CLNK: variants seen among roughly 807,000 people sequenced by gnomAD.
CLNK encodes the protein cytokine dependent hematopoietic cell linker, also known as cytokine-dependent hematopoietic cell linker.
In CLNK, 74 loss-of-function variants were observed where a neutral mutation model predicts 68.6. That is an observed-to-expected ratio of 1.08 (90% CI 0.89 to 1.31). The LOEUF (loss-of-function observed/expected upper bound fraction) is 1.31, where lower values mean the gene tolerates loss of function less well. CLNK is among the 50% of genes most tolerant of loss of function. The pLI is 0.00. For synonymous variants in CLNK, 198 were observed against 172.2 expected (o/e 1.15, Z -1.17); for missense variants, 553 against 515.3 (o/e 1.07, Z -0.71).
chr4:10,540,458 T>C (rs1304577772), intron 11 of CLNK, 36 bp downstream of exon 11: 1 of 1,504,540 alleles, frequency 6.6e-7, no homozygotes. Flanking sequence ...CCCACACTCT[T>C]GCTGGTCATT....
chr4:10,699,177 T>C, the CLNK span, among the ~76,000 whole-genome samples: 1 of 127,528 alleles, frequency 7.8e-6, no homozygotes, highest in African/African-American at 2.9e-5. Flanking sequence ...CTTACGTTTC[T>C]TTCTCTCTCT....
chr4:10,696,485 C>A, the CLNK span, among the ~76,000 whole-genome samples: 2 of 152,152 alleles, frequency 1.3e-5, no homozygotes, highest in African/African-American at 4.8e-5. Context: ...ACCAACCACA[C>A]GGCAGTCTAG....
chr4:10,499,116 C>A (rs1716929128), intron 18 of CLNK, among the ~76,000 whole-genome samples: 1 of 152,104 alleles, frequency 6.6e-6, no homozygotes, highest in Non-Finnish European at 1.5e-5. Context: ...TAGCTCATTA[C>A]AGACACCCCT....
At chr4:10,501,456 T>A in intron 17 of CLNK, 45 bp from the exon 18 acceptor site, 2 of 1,580,148 alleles carry the variant, frequency 1.3e-6, no homozygotes, top group Non-Finnish European at 1.7e-6. Flanking sequence ...CACGCCAGCA[T>A]TCTGCCCTTG....
rs192882294 is a variant in CLNK, at chr4:10,571,880, T to G, written c.113-102A>C. On this transcript the variant is annotated intron_variant, in intron 4 of 18. Transcript: ENST00000226951. ...TTTCTCCAGAAATCTTTTGTCAGTTTTAATTAACTTACCTTGATTGTGATT... is the reference window on the plus strand; with the variant it reads ...TTTCTCCAGAAATCTTTTGTCAGTTGTAATTAACTTACCTTGATTGTGATT... The G allele has an allele frequency of 6.8e-3, 5,750 of 846,812 alleles. 34 individuals are homozygous for G. Among genetic ancestry groups the G allele is most frequent in the Non-Finnish European group, 7.8e-3 (4,089 of 521,084 alleles). 52.5% of individuals were successfully genotyped at this position (846,812 alleles called of 1,614,324 possible). A position where few individuals can be genotyped will look rare whatever the true frequency, so the allele number is the denominator to read the frequency against.
intron 2 of CLNK, among the ~76,000 whole-genome samples, chr4:10,628,594 T>G (rs1417245247): frequency 6.6e-6 from 1 of 151,998 alleles, no homozygotes; most frequent in Non-Finnish European, 1.5e-5. Context: ...GGAGGCAGAG[T>G]TGGGCTCAAC....
chr4:10,619,907 G>A lies in CLNK; in HGVS notation c.12-21858C>T, dbSNP rs534692918. ...GCTACAGGCCAGACTCTTCTGCTTGGCTCAAAGCCCGGGGCGTTTTCCCAT... is the reference window on the plus strand; with the variant it reads ...GCTACAGGCCAGACTCTTCTGCTTGACTCAAAGCCCGGGGCGTTTTCCCAT... On this transcript the variant is annotated intron_variant, in intron 2 of 18. Transcript: ENST00000226951. Among the ~76,000 whole-genome samples the A allele has an allele frequency of 1.1e-3, 161 of 152,214 alleles. 1 individual carries two copies. Among genetic ancestry groups the A allele is most frequent in the African/African-American group, 3.8e-3 (159 of 41,526 alleles).
At chr4:10,557,386 C>T (rs934966049) in intron 8 of CLNK, among the ~76,000 whole-genome samples, 9 of 152,178 alleles carry the variant, frequency 5.9e-5, no homozygotes, top group Non-Finnish European at 2.9e-5. Context: ...CAGGAGGTCA[C>T]AGGGAGGTTG....
chr4:10,631,450 G>A (rs1200231642), intron 2 of CLNK, among the ~76,000 whole-genome samples: 1 of 152,220 alleles, frequency 6.6e-6, no homozygotes, highest in Non-Finnish European at 1.5e-5. Flanking sequence ...AATGACAGGG[G>A]AGGAAAGATC....
At chr4:10,616,638 C>T (rs1441810804) in intron 2 of CLNK, among the ~76,000 whole-genome samples, 1 of 151,840 alleles carries the variant, frequency 6.6e-6, no homozygotes, top group Non-Finnish European at 1.5e-5. Flanking sequence ...CAGCAAAAAT[C>T]AATGAAATCA....
chr4:10,663,901 T>C (rs1025681672), intron 2 of CLNK, among the ~76,000 whole-genome samples: 5 of 152,302 alleles, frequency 3.3e-5, no homozygotes. Flanking sequence ...TTGCCTTCTT[T>C]ACCATGTGAA....
At chr4:10,559,516 A>T (rs1456748725) in intron 7 of CLNK, among the ~76,000 whole-genome samples, 1 of 151,978 alleles carries the variant, frequency 6.6e-6, no homozygotes, top group Non-Finnish European at 1.5e-5. Flanking sequence ...TCATCTTTTA[A>T]TCTTCCCTGT....
chr4:10,709,615 G>A, the CLNK span, among the ~76,000 whole-genome samples: 1 of 152,096 alleles, frequency 6.6e-6, no homozygotes, highest in South Asian at 2.1e-4. Context: ...CCATCTGGAG[G>A]TAAATTCCAT....
At chr4:10,709,123 T>C in the CLNK span, among the ~76,000 whole-genome samples, 2 of 152,188 alleles carry the variant, frequency 1.3e-5, no homozygotes, top group Admixed American at 6.5e-5. Flanking sequence ...GTATCAGACA[T>C]GAATCAGGGA....
At chr4:10,634,087 A>G (rs908703402) in intron 2 of CLNK, among the ~76,000 whole-genome samples, 2 of 152,194 alleles carry the variant, frequency 1.3e-5, no homozygotes, top group Admixed American at 1.3e-4. Context: ...TCCCTTTGTC[A>G]TCATGTTGAA....
At chr4:10,520,935 A>C in intron 14 of CLNK, 104 bp from the exon 15 acceptor site, 1 of 811,592 alleles carries the variant, frequency 1.2e-6, no homozygotes, top group African/African-American at 1.7e-5. Flanking sequence ...AGTCACAGTT[A>C]TAAAGCACTT....
chr4:10,703,748 A>G, the CLNK span, among the ~76,000 whole-genome samples: 15 of 152,236 alleles, frequency 9.9e-5, no homozygotes, highest in African/African-American at 3.6e-4. Context: ...GGCAACAAAT[A>G]TGTATAGCAT....
At chr4:10,664,506 G>C (rs1392175348) in intron 2 of CLNK, among the ~76,000 whole-genome samples, 1 of 152,216 alleles carries the variant, frequency 6.6e-6, no homozygotes, top group Non-Finnish European at 1.5e-5. Context: ...CCTTCTCTGA[G>C]TCATGCCTTG....
At chr4:10,506,543 A>T (rs564671299) in intron 17 of CLNK, among the ~76,000 whole-genome samples, 1 of 152,310 alleles carries the variant, frequency 6.6e-6, no homozygotes, top group South Asian at 2.1e-4. Flanking sequence ...TTCTCGAAGA[A>T]GTGAGACATA....
Sources: gnomAD v4.1 joint callset for allele counts (sites outside exome capture counted in the v4.1 genomes callset) on GRCh38, gnomAD v4.1.1 for gene constraint, MANE v1.5 for transcripts, NCBI Gene and HGNC (gene_info 2026-07-23, HGNC 2026-07-21) for gene names.